Variants in RIMS2 observed in about 807,000 individuals in gnomAD.
RIMS2 encodes the protein regulating synaptic membrane exocytosis 2.
Under a neutral mutation model 174.4 loss-of-function variants are expected in RIMS2, and 59 were observed. The observed-to-expected ratio is 0.34, with a 90% confidence interval of 0.27 to 0.42. The LOEUF (loss-of-function observed/expected upper bound fraction) is 0.42, where lower values mean the gene tolerates loss of function less well. RIMS2 is among the 10% of genes least tolerant of loss of function. RIMS2 has a pLI of 1.00. For synonymous variants in RIMS2, 606 were observed against 572.5 expected (o/e 1.06, Z -0.84); for missense variants, 1,620 against 1,666.3 (o/e 0.97, Z 0.48).
At chr8:104,174,650 T>C (rs900628040) in intron 19 of RIMS2, among the ~76,000 whole-genome samples, 3 of 152,194 alleles carry the variant, frequency 2.0e-5, no homozygotes. Flanking sequence ...CAGTAGGTAT[T>C]ACGATTCTTG....
chr8:104,180,721 A>G (rs2098934785), intron 19 of RIMS2, among the ~76,000 whole-genome samples: 1 of 151,746 alleles, frequency 6.6e-6, no homozygotes, highest in African/African-American at 2.4e-5. Context: ...TAATGTATTA[A>G]TATGACATTG....
intron 3 of RIMS2, among the ~76,000 whole-genome samples, chr8:103,827,371 T>G (rs906532543): frequency 1.3e-5 from 2 of 152,228 alleles, no homozygotes; most frequent in African/African-American, 4.8e-5. Context: ...CTTTGTAGAT[T>G]TGTTATGCTA....
chr8:103,639,644 G>A (rs1003230206), intron 1 of RIMS2, among the ~76,000 whole-genome samples: 30 of 151,846 alleles, frequency 2.0e-4, no homozygotes, highest in South Asian at 1.4e-3. Flanking sequence ...TTATTGCTGA[G>A]TAGTATTCTC....
intron 19 of RIMS2, among the ~76,000 whole-genome samples, chr8:104,207,749 A>G (rs1443623527): frequency 6.6e-6 from 1 of 151,746 alleles, no homozygotes; most frequent in Non-Finnish European, 1.5e-5. Context: ...GGAGGCAGAG[A>G]TTGCAGTGAG....
chr8:104,252,128 T>C, downstream of RIMS2: 1 of 375,842 alleles, frequency 2.7e-6, no homozygotes. Flanking sequence ...ACAGAAGCCC[T>C]TTTCAATGGC....
At chr8:103,939,357 G>T (rs1407617771) in intron 13 of RIMS2, among the ~76,000 whole-genome samples, 6 of 152,180 alleles carry the variant, frequency 3.9e-5, no homozygotes, top group African/African-American at 7.2e-5. Flanking sequence ...ACCCTCTGAC[G>T]CCATGGCCCA....
intron 1 of RIMS2, among the ~76,000 whole-genome samples, chr8:103,584,538 T>G (rs1419190239): frequency 6.6e-6 from 1 of 152,088 alleles, no homozygotes; most frequent in South Asian, 2.1e-4. Flanking sequence ...CATTTTAAGA[T>G]ATAGTCAGTA....
chr8:104,194,542 T>A (rs1006938366), intron 19 of RIMS2, among the ~76,000 whole-genome samples: 3 of 152,210 alleles, frequency 2.0e-5, no homozygotes, highest in Admixed American at 2.0e-4. Flanking sequence ...ATAACAATCT[T>A]GCTCTTGAAG....
At chr8:103,573,223 T>G (rs1322373399) in intron 1 of RIMS2, among the ~76,000 whole-genome samples, 3 of 151,436 alleles carry the variant, frequency 2.0e-5, no homozygotes, top group African/African-American at 7.3e-5. Flanking sequence ...GCCCAGCTAA[T>G]TTTTGTATTT....
At chr8:103,568,612 G>T (rs1158093529) in intron 1 of RIMS2, 3 of 575,800 alleles carry the variant, frequency 5.2e-6, no homozygotes, top group Non-Finnish European at 1.0e-5. Context: ...GTGATCAGTT[G>T]TGACTGTGCA....
intron 3 of RIMS2, among the ~76,000 whole-genome samples, chr8:103,789,465 G>C (rs918180257): frequency 6.6e-6 from 1 of 152,112 alleles, no homozygotes; most frequent in African/African-American, 2.4e-5. Flanking sequence ...AGTCAACCAA[G>C]GAGGGACCTT....
intron 1 of RIMS2, among the ~76,000 whole-genome samples, chr8:103,592,728 A>G (rs1363266968): frequency 6.6e-6 from 1 of 151,438 alleles, no homozygotes; most frequent in Non-Finnish European, 1.5e-5. Flanking sequence ...AAACACAAGA[A>G]TAAGGTATTA....
intron 3 of RIMS2, among the ~76,000 whole-genome samples, chr8:103,804,796 G>A (rs1466042047): frequency 6.6e-6 from 1 of 151,904 alleles, no homozygotes. Context: ...GGAGTTTGTA[G>A]AAATTGTCTT....
chr8:103,520,723 A>C (rs1831257606), intron 1 of RIMS2, among the ~76,000 whole-genome samples: 1 of 152,130 alleles, frequency 6.6e-6, no homozygotes, highest in Non-Finnish European at 1.5e-5. Context: ...TATGTATTTC[A>C]AGGCTGTTCA....
At chr8:103,904,344 A>G (rs1390475613) in intron 4 of RIMS2, among the ~76,000 whole-genome samples, 1 of 151,914 alleles carries the variant, frequency 6.6e-6, no homozygotes, top group Non-Finnish European at 1.5e-5. Flanking sequence ...GGTTGTTTCC[A>G]CTTTTTGCCT....
At chr8:104,086,740 CT>C (rs1425420297) in intron 19 of RIMS2, among the ~76,000 whole-genome samples, 1 of 152,064 alleles carries the variant, frequency 6.6e-6, no homozygotes, top group Non-Finnish European at 1.5e-5. Flanking sequence ...AAAGACTTCC[CT>C]GAGTGAGTCT....
At chr8:104,225,250 G>A (rs185165936) in intron 19 of RIMS2, among the ~76,000 whole-genome samples, 1 of 152,048 alleles carries the variant, frequency 6.6e-6, no homozygotes, top group African/African-American at 2.4e-5. Flanking sequence ...AGAGAGTTCC[G>A]AAATTTGCCC....
At chr8:103,688,537 T>C (rs1329276087) in intron 1 of RIMS2, among the ~76,000 whole-genome samples, 1 of 152,164 alleles carries the variant, frequency 6.6e-6, no homozygotes, top group Non-Finnish European at 1.5e-5. Flanking sequence ...TTTGCATCTA[T>C]GTTCATCAAG....
chr8:103,799,755 A>G (rs1194518541), intron 3 of RIMS2, among the ~76,000 whole-genome samples: 3 of 152,176 alleles, frequency 2.0e-5, no homozygotes, highest in Non-Finnish European at 2.9e-5. Flanking sequence ...CATTACTATG[A>G]AGTATTTATT....
Sources: gnomAD v4.1 joint callset for allele counts (sites outside exome capture counted in the v4.1 genomes callset) on GRCh38, gnomAD v4.1.1 for gene constraint, MANE v1.5 for transcripts, NCBI Gene and HGNC (gene_info 2026-07-23, HGNC 2026-07-21) for gene names.